The following GALNT2 variants were observed in gnomAD, a reference collection of about 807,000 sequenced individuals.
GALNT2 encodes the protein polypeptide N-acetylgalactosaminyltransferase 2.
Under a neutral mutation model 81.4 loss-of-function variants are expected in GALNT2, and 31 were observed. That is an observed-to-expected ratio of 0.38 (90% CI 0.29 to 0.51). GALNT2 has a LOEUF of 0.51. GALNT2 is among the 20% of genes least tolerant of loss of function. The probability of loss-of-function intolerance (pLI) is 0.87; values close to 1 mark genes in which losing one functional copy is unlikely to be tolerated. For missense variants in GALNT2, 629 were observed against 765.7 expected (o/e 0.82, Z 2.11); for synonymous variants, 303 against 287.4 (o/e 1.05, Z -0.55).
Position 230,209,900 on chromosome 1 carries a change from AACGAT to A in GALNT2, c.374+6613_374+6617del, listed in dbSNP as rs539832320. Among the ~76,000 whole-genome samples the A allele has an allele frequency of 6.7e-3, 1,027 of 152,264 alleles. 7 individuals are homozygous for A. Among genetic ancestry groups the A allele is most frequent in the African/African-American group, 0.022 (921 of 41,548 alleles). On this transcript the variant is annotated intron_variant, in intron 3 of 15. Coordinates refer to ENST00000366672, the MANE Select transcript of GALNT2 (RefSeq NM_004481.5). Reference sequence around the variant, plus strand: ...CCCAGGCTGACTAATACAGAGTGGAAACGATACAGCATGACCGGCAGGCCAGTGGG... The same window carrying A: ...CCCAGGCTGACTAATACAGAGTGGAAACAGCATGACCGGCAGGCCAGTGGG...
At chr1:230,215,102 C>G (rs77551695) in intron 3 of GALNT2, among the ~76,000 whole-genome samples, 5,434 of 152,294 alleles carry the variant, frequency 0.036, 130 homozygotes, top group Non-Finnish European at 0.056. Context: ...GGGTTTCGGT[C>G]TTTTGTGAGA....
intron 1 of GALNT2, among the ~76,000 whole-genome samples, chr1:230,093,308 G>A (rs1451161101): frequency 6.6e-6 from 1 of 151,816 alleles, no homozygotes; most frequent in Admixed American, 6.5e-5. Flanking sequence ...CATGATAATA[G>A]TGTCCGTCAG....
At chr1:230,265,495 G>T (rs3748011) in intron 14 of GALNT2, 128 bp downstream of exon 14, 50,849 of 1,289,400 alleles carry the variant, frequency 0.039, 2,481 homozygotes, top group African/African-American at 0.17. Context: ...GAAGCACCTG[G>T]CTCCTGCTGG....
intron 1 of GALNT2, chr1:230,092,176 G>GTTTTTTTTTTTTT (rs1553311874): frequency 2.4e-5 from 1 of 42,264 alleles, no homozygotes; most frequent in African/African-American, 1.1e-4. Context: ...TATTCCTTTA[G>GTTTTTTTTTTTTT]TTTTTTTTTT....
At chr1:230,071,374 G>A (rs1659367881) in intron 1 of GALNT2, among the ~76,000 whole-genome samples, 1 of 152,158 alleles carries the variant, frequency 6.6e-6, no homozygotes, top group African/African-American at 2.4e-5. Context: ...CCCAGTAGTG[G>A]GCAGCCATCG....
chr1:230,172,586 C>A (rs769511794), intron 1 of GALNT2, among the ~76,000 whole-genome samples: 2 of 152,220 alleles, frequency 1.3e-5, no homozygotes, highest in Admixed American at 1.3e-4. Flanking sequence ...GTGCCCTGCA[C>A]GCATAGATTC....
intron 2 of GALNT2, among the ~76,000 whole-genome samples, chr1:230,190,173 G>C (rs1306680942): frequency 6.6e-6 from 1 of 152,214 alleles, no homozygotes; most frequent in Non-Finnish European, 1.5e-5. Context: ...TGTGTGTATT[G>C]TACGTTTTAG....
intron 11 of GALNT2, among the ~76,000 whole-genome samples, chr1:230,256,272 C>G (rs553613023): frequency 6.6e-6 from 1 of 152,048 alleles, no homozygotes; most frequent in Non-Finnish European, 1.5e-5. Flanking sequence ...ACATGGAAAC[C>G]GCATCTCTAC....
At chr1:230,212,513 A>G (rs565650584) in intron 3 of GALNT2, among the ~76,000 whole-genome samples, 2 of 152,220 alleles carry the variant, frequency 1.3e-5, no homozygotes, top group Non-Finnish European at 2.9e-5. Flanking sequence ...GCCGTTCAGG[A>G]AGTGAGACTG....
intron 6 of GALNT2, among the ~76,000 whole-genome samples, chr1:230,241,287 T>C (rs573799821): frequency 6.6e-6 from 1 of 152,298 alleles, no homozygotes; most frequent in African/African-American, 2.4e-5. Context: ...ATAATTGACA[T>C]TGTGGATGAT....
At position 230,138,540 on chromosome 1, in the gene GALNT2, A is replaced by G. The variant is rs112730022; in HGVS notation, c.127-39678A>G. 7.2e-4 allele frequency among the ~76,000 whole-genome samples: 108 copies of G among 150,294 alleles called. 1 individual carries two copies. Among genetic ancestry groups the G allele is most frequent in the African/African-American group, 2.4e-3 (98 of 40,390 alleles). On this transcript the variant is annotated intron_variant, in intron 1 of 15. Coordinates refer to ENST00000366672, the MANE Select transcript of GALNT2 (RefSeq NM_004481.5). ...ACTCTGTCTCAAAAAAAAAAAAAAAAAAAATGAAACAGAAGAAAGAATGGC... is the reference window on the plus strand; with the variant it reads ...ACTCTGTCTCAAAAAAAAAAAAAAAGAAAATGAAACAGAAGAAAGAATGGC...
At chr1:230,069,162 GCTGATTCCTCACT>G (rs1354302592) in intron 1 of GALNT2, among the ~76,000 whole-genome samples, 2 of 152,202 alleles carry the variant, frequency 1.3e-5, no homozygotes, top group Non-Finnish European at 2.9e-5. Context: ...CCTCCCGGAG[GCTGATTCCTCACT>G]CTGGTGGGCT....
At chr1:230,222,209 G>A (rs1238678695) in intron 3 of GALNT2, among the ~76,000 whole-genome samples, 2 of 151,634 alleles carry the variant, frequency 1.3e-5, no homozygotes, top group Non-Finnish European at 2.9e-5. Context: ...TGTATTTTTA[G>A]TAGAGACGGG....
chr1:230,265,200 T>A, intron 13 of GALNT2, 41 bp from the exon 14 acceptor site: 1 of 1,613,324 alleles, frequency 6.2e-7, no homozygotes, highest in Non-Finnish European at 8.5e-7. Context: ...GAGCTGGTGG[T>A]CATGTGCAGT....
chr1:230,247,374 T>C (rs1665406927), intron 8 of GALNT2, among the ~76,000 whole-genome samples: 1 of 152,236 alleles, frequency 6.6e-6, no homozygotes, highest in South Asian at 2.1e-4. Context: ...CCATTTTGCC[T>C]CTGCTTCTCA....
Position 230,275,717 on chromosome 1 carries a change from T to C in GALNT2, c.1560+1153T>C. ...ACCACATATATATACACACCACATA[T>C]ACACACCACATATATATATACAAAC... is the stretch of plus-strand genomic sequence containing the variant. On this transcript the variant is annotated intron_variant, in intron 15 of 15. Coordinates refer to ENST00000366672, the MANE Select transcript of GALNT2 (RefSeq NM_004481.5). The surrounding 1 kb of genome is among the most constrained non-coding windows in gnomAD (Gnocchi z 5.5). Among the ~76,000 whole-genome samples, 1 of 146,578 alleles carries C rather than the reference T, an allele frequency of 6.8e-6. No homozygotes were observed. The highest frequency in any genetic ancestry group is 2.6e-5 in the African/African-American group (1 of 38,920).
rs1663048223 is a variant in GALNT2, at chr1:230,178,242, ATT to A, written c.152_153del (p.Ile51LysfsTer31). The A allele has an allele frequency of 1.1e-5, 17 of 1,613,942 alleles. No individual in the cohort carries two copies. The highest frequency in any genetic ancestry group is 1.4e-5 in the Non-Finnish European group (17 of 1,179,922). On this transcript the variant is annotated frameshift_variant, in exon 2 of 16. Transcript: ENST00000366672. LOFTEE classifies it high-confidence loss of function. ...RKEDWNEIDPIKKKDLHHSNG... is the reference protein window; with the variant it reads ...RKEDWNEIDPXKKKDLHHSNG... ...GGAGGACTGGAATGAAATTGACCCC[ATT>A]AAAAAGAAAGACCTTCATCACAGCA...
At chr1:230,223,498 T>G (rs2102724654) in intron 3 of GALNT2, among the ~76,000 whole-genome samples, 1 of 152,268 alleles carries the variant, frequency 6.6e-6, no homozygotes, top group African/African-American at 2.4e-5. Flanking sequence ...AGATGGAGTC[T>G]TACTCTGTCA....
intron 14 of GALNT2, 132 bp downstream of exon 14, chr1:230,265,499 C>CT: frequency 8.0e-7 from 1 of 1,254,478 alleles, no homozygotes; most frequent in Non-Finnish European, 1.1e-6. Flanking sequence ...CACCTGGCTC[C>CT]TGCTGGCCAC....
Sources: allele counts gnomAD v4.1 joint callset (sites outside exome capture counted in the v4.1 genomes callset), GRCh38; gene constraint gnomAD v4.1.1; non-coding constraint Gnocchi (gnomAD v3.1); transcripts MANE v1.5; gene names NCBI Gene and HGNC (gene_info 2026-07-23, HGNC 2026-07-21).